CABLES1: variants seen among roughly 807,000 people sequenced by gnomAD.
CABLES1 encodes the protein CDK5 and ABL1 enzyme substrate 1.
A neutral mutation model predicts 57.8 loss-of-function variants in CABLES1; 36 were observed. The observed-to-expected ratio is 0.62, with a 90% CI of 0.48 to 0.82. The LOEUF (loss-of-function observed/expected upper bound fraction) is 0.82. Ranked by LOEUF, CABLES1 falls within the 40% of genes least tolerant of loss-of-function variation. The probability of loss-of-function intolerance (pLI) is 0.00; values close to 1 mark genes in which losing one functional copy is unlikely to be tolerated. For synonymous variants in CABLES1, 374 were observed against 363.0 expected (o/e 1.03, Z -0.35); for missense variants, 767 against 836.6 (o/e 0.92, Z 1.03).
At position 23,181,967 on chromosome 18, in the gene CABLES1, C is replaced by T. The variant is rs1294544852; in HGVS notation, c.846-6871C>T. On this transcript the variant is annotated intron_variant, in intron 1 of 9. Transcript: ENST00000256925. ...GTGTACTTGAGGTATCCAAGACACT[C>T]TCACCTCTTCCACACCTGTGAAGAA... 2.0e-5 allele frequency among the ~76,000 whole-genome samples: 3 copies of T among 152,202 alleles called. No individual in the cohort carries two copies. The East Asian group carries it at 5.8e-4, about 29-fold the overall frequency.
At chr18:23,159,576 G>A (rs886349090) in intron 1 of CABLES1, among the ~76,000 whole-genome samples, 1 of 152,208 alleles carries the variant, frequency 6.6e-6, no homozygotes, top group Admixed American at 6.5e-5. Context: ...CAGTGAACAA[G>A]TGATTCTTTC....
intron 7 of CABLES1, among the ~76,000 whole-genome samples, chr18:23,241,481 A>C (rs553751272): frequency 1.3e-5 from 2 of 151,584 alleles, no homozygotes; most frequent in South Asian, 4.2e-4. Flanking sequence ...CAGTGAGCCG[A>C]GATCACACTA....
chr18:23,140,434 CTTTCT>C (rs1282922592), intron 1 of CABLES1, among the ~76,000 whole-genome samples: 14 of 137,708 alleles, frequency 1.0e-4, no homozygotes, highest in African/African-American at 1.8e-4. Context: ...CTTTCGTTTT[CTTTCT>C]TTTTTTTTTT....
Position 23,188,895 on chromosome 18 carries a change from C to T in CABLES1, c.903C>T (p.Asn301=), listed in dbSNP as rs201462665. 4.0e-4 allele frequency: 648 copies of T among 1,611,762 alleles called. No individual in the cohort carries two copies. Among genetic ancestry groups the T allele is most frequent in the Non-Finnish European group, 5.1e-4 (602 of 1,178,152 alleles). The change falls in exon 2 of 10, where the codon AAC becomes AAT. Residue 301 remains asparagine, a synonymous_variant. Coordinates refer to ENST00000256925, the MANE Select transcript of CABLES1 (RefSeq NM_001100619.3). ...AGACCCTGGAAGATATTGAGGAGAACGCCCCTCTCCGGAGGTAATTTTCTG... is the reference window on the plus strand; with the variant it reads ...AGACCCTGGAAGATATTGAGGAGAATGCCCCTCTCCGGAGGTAATTTTCTG... ...SLETLEDIEE[N]APLRRCRTLS... is the part of the protein sequence containing the mutation.
At chr18:23,231,604 G>A (rs1225119775) in intron 4 of CABLES1, among the ~76,000 whole-genome samples, 2 of 152,206 alleles carry the variant, frequency 1.3e-5, no homozygotes, top group African/African-American at 4.8e-5. Flanking sequence ...CAGTTCTGTG[G>A]GTAGGGTTGG....
chr18:23,206,515 TTGTG>T (rs1167714108), intron 3 of CABLES1, among the ~76,000 whole-genome samples: 3 of 152,240 alleles, frequency 2.0e-5, no homozygotes, highest in African/African-American at 7.2e-5. Context: ...TGCCTTTCCT[TTGTG>T]TGGGGGTCCA....
At chr18:23,243,654 CCT>C (rs2047799008) in intron 7 of CABLES1, among the ~76,000 whole-genome samples, 2 of 151,774 alleles carry the variant, frequency 1.3e-5, no homozygotes, top group Non-Finnish European at 2.9e-5. Flanking sequence ...GGGTGGATCA[CCT>C]GAGGTCAGGA....
chr18:23,247,519 T>C (rs1376023649), intron 7 of CABLES1, among the ~76,000 whole-genome samples: 1 of 152,208 alleles, frequency 6.6e-6, no homozygotes, highest in Non-Finnish European at 1.5e-5. Flanking sequence ...GTGTATCCCA[T>C]GCAGCTGAGC....
At chr18:23,142,135 T>G (rs2046861944) in intron 1 of CABLES1, among the ~76,000 whole-genome samples, 1 of 152,136 alleles carries the variant, frequency 6.6e-6, no homozygotes, top group South Asian at 2.1e-4. Flanking sequence ...ATGTTTAGCC[T>G]GGGGACGTGT....
rs1443062696 is a variant in CABLES1 at position 23,235,910 on chromosome 18, C to T, written c.1201C>T (p.Gln401Ter). ...GADGKTVSYT[Q>*]FLLPTNAFGA... Reference sequence around the variant, plus strand: ...CACCTTTTAGACTGTTTCCTATACCCAATTTCTGTTACCCACAAATGCCTT... The same window carrying T: ...CACCTTTTAGACTGTTTCCTATACCTAATTTCTGTTACCCACAAATGCCTT... Residue 401 changes from glutamine (Q) to a stop codon, truncating the protein, a stop_gained, in exon 6 of 10, where the codon CAA becomes TAA. Coordinates refer to ENST00000256925, the MANE Select transcript of CABLES1 (RefSeq NM_001100619.3). LOFTEE classifies it high-confidence loss of function. The T allele has an allele frequency of 6.2e-7, 1 of 1,614,062 alleles. No individual in the cohort carries two copies. The highest frequency in any genetic ancestry group is 8.5e-7 in the Non-Finnish European group (1 of 1,180,024).
chr18:23,201,938 A>T (rs914393141), intron 3 of CABLES1, among the ~76,000 whole-genome samples: 1 of 152,172 alleles, frequency 6.6e-6, no homozygotes, highest in Admixed American at 6.5e-5. Context: ...CCCAGTGGGG[A>T]AGCGCATGCG....
At chr18:23,236,720 C>G (rs1966656) in intron 6 of CABLES1, among the ~76,000 whole-genome samples, 1 of 152,026 alleles carries the variant, frequency 6.6e-6, no homozygotes, top group Non-Finnish European at 1.5e-5. Context: ...TGTATTCATA[C>G]GGACACAATA....
At chr18:23,219,319 T>C in intron 4 of CABLES1, 1 of 454,004 alleles carries the variant, frequency 2.2e-6, no homozygotes, top group Non-Finnish European at 4.4e-6. Flanking sequence ...AAACATTGAG[T>C]CCTAAGCAAT....
chr18:23,193,451 C>G (rs1207997450), intron 2 of CABLES1, among the ~76,000 whole-genome samples: 1 of 149,004 alleles, frequency 6.7e-6, no homozygotes, highest in Non-Finnish European at 1.5e-5. Flanking sequence ...CTCGGCCTCC[C>G]AAAGTGCTGT....
At chr18:23,185,550 C>A (rs2047196829) in intron 1 of CABLES1, among the ~76,000 whole-genome samples, 1 of 152,150 alleles carries the variant, frequency 6.6e-6, no homozygotes, top group Non-Finnish European at 1.5e-5. Flanking sequence ...CTGGGCTCTG[C>A]CAGAGCCTGG....
At chr18:23,179,573 A>T (rs1399912693) in intron 1 of CABLES1, among the ~76,000 whole-genome samples, 1 of 152,238 alleles carries the variant, frequency 6.6e-6, no homozygotes, top group African/African-American at 2.4e-5. Flanking sequence ...ATGCTCCTCC[A>T]GTCACCCCAG....
chr18:23,156,490 A>T, intron 1 of CABLES1, among the ~76,000 whole-genome samples: 1 of 152,172 alleles, frequency 6.6e-6, no homozygotes, highest in Non-Finnish European at 1.5e-5. Flanking sequence ...ACTCGGAGGG[A>T]GTGAATTTTC....
At chr18:23,256,950 G>A (rs756536923) in intron 9 of CABLES1, among the ~76,000 whole-genome samples, 3 of 152,150 alleles carry the variant, frequency 2.0e-5, no homozygotes, top group East Asian at 1.9e-4. Context: ...ATAGAGATAC[G>A]GAGCATGAAC....
chr18:23,227,129 A>T (rs1229939569), intron 4 of CABLES1: 1 of 152,114 alleles, frequency 6.6e-6, no homozygotes, highest in Non-Finnish European at 1.5e-5. Flanking sequence ...AGATGAGGTC[A>T]TCCGCTTGGG....
Sources: gnomAD v4.1 joint callset for allele counts (sites outside exome capture counted in the v4.1 genomes callset) on GRCh38, gnomAD v4.1.1 for gene constraint, MANE v1.5 for transcripts, NCBI Gene and HGNC (gene_info 2026-07-23, HGNC 2026-07-21) for gene names.